Variants in AGBL4 observed in about 807,000 individuals in gnomAD.
AGBL4 encodes cytosolic carboxypeptidase 6.
AGBL4 carries 58 observed loss-of-function variants against 66.4 expected under a neutral mutation model. The ratio of observed to expected loss-of-function variants is 0.87; its 90% CI spans 0.71 to 1.09. The LOEUF is 1.09. AGBL4 is among the 50% of genes least tolerant of loss of function. The pLI, the probability that AGBL4 is intolerant of heterozygous loss-of-function variation, is 0.00. For missense variants in AGBL4, 579 were observed against 631.0 expected (o/e 0.92, Z 0.88); for synonymous variants, 234 against 222.9 (o/e 1.05, Z -0.44).
chr1:49,429,982 C>T (rs1645750503), intron 3 of AGBL4, among the ~76,000 whole-genome samples: 1 of 151,762 alleles, frequency 6.6e-6, no homozygotes, highest in South Asian at 2.1e-4. Flanking sequence ...GTAGCTGGGA[C>T]TACAGGCAAG....
At chr1:48,655,326 T>C (rs577013377) in intron 7 of AGBL4, among the ~76,000 whole-genome samples, 10 of 152,352 alleles carry the variant, frequency 6.6e-5, no homozygotes, top group African/African-American at 2.2e-4. Context: ...TTTTCTTTTT[T>C]TCTTTTTTCT....
chr1:48,763,416 A>C (rs187409777), intron 6 of AGBL4, among the ~76,000 whole-genome samples: 282 of 152,304 alleles, frequency 1.9e-3, no homozygotes, highest in Non-Finnish European at 3.2e-3. Flanking sequence ...GGCTGCTAAA[A>C]TGTAAAATCT....
chr1:49,480,363 T>C (rs950032813), intron 3 of AGBL4, among the ~76,000 whole-genome samples: 7 of 152,104 alleles, frequency 4.6e-5, no homozygotes, highest in African/African-American at 1.7e-4. Flanking sequence ...ATTGTGGTTT[T>C]GATTTGCATT....
intron 4 of AGBL4, among the ~76,000 whole-genome samples, chr1:49,201,118 A>G (rs1647664612): frequency 6.6e-6 from 1 of 152,156 alleles, no homozygotes; most frequent in African/African-American, 2.4e-5. Context: ...TCCCTTAGAG[A>G]AAAGGGCTCT....
intron 6 of AGBL4, among the ~76,000 whole-genome samples, chr1:48,816,080 T>TA (rs1440374298): frequency 5.3e-5 from 8 of 150,028 alleles, no homozygotes; most frequent in Admixed American, 1.3e-4. Context: ...TGTGTGTGTG[T>TA]GTGTGTGTGT....
chr1:48,790,705 A>T (rs985359326), intron 6 of AGBL4, among the ~76,000 whole-genome samples: 1 of 152,152 alleles, frequency 6.6e-6, no homozygotes, highest in Non-Finnish European at 1.5e-5. Context: ...TTAAGAGGTG[A>T]TTAGATCATA....
At chr1:50,014,769 C>G (rs1396366460) in intron 1 of AGBL4, among the ~76,000 whole-genome samples, 1 of 152,046 alleles carries the variant, frequency 6.6e-6, no homozygotes, top group East Asian at 1.9e-4. Flanking sequence ...AGGTGATCCA[C>G]CTGCCTTGGC....
intron 3 of AGBL4, among the ~76,000 whole-genome samples, chr1:49,395,744 T>C (rs1644946462): frequency 1.4e-5 from 2 of 142,404 alleles, no homozygotes; most frequent in African/African-American, 5.3e-5. Context: ...TATATATATA[T>C]ATGTATATAT....
chr1:49,931,370 A>C (rs1412377880), intron 1 of AGBL4, among the ~76,000 whole-genome samples: 8 of 152,194 alleles, frequency 5.3e-5, no homozygotes, highest in African/African-American at 1.7e-4. Flanking sequence ...ATTTATAAAC[A>C]AAGAAGGTTT....
At chr1:48,823,341 G>A (rs1570755193) in intron 6 of AGBL4, among the ~76,000 whole-genome samples, 1 of 152,282 alleles carries the variant, frequency 6.6e-6, no homozygotes, top group East Asian at 1.9e-4. Flanking sequence ...CCCCTGCTAA[G>A]TAAGCCAGCC....
At chr1:49,012,799 C>T (rs965261687) in intron 5 of AGBL4, among the ~76,000 whole-genome samples, 1 of 152,158 alleles carries the variant, frequency 6.6e-6, no homozygotes, top group Non-Finnish European at 1.5e-5. Context: ...ATGTTTGTCC[C>T]CTCTAAAACT....
intron 1 of AGBL4, among the ~76,000 whole-genome samples, chr1:49,905,244 T>C (rs554417215): frequency 6.6e-6 from 1 of 152,176 alleles, no homozygotes; most frequent in African/African-American, 2.4e-5. Flanking sequence ...CAATGTATCC[T>C]GAGTAAGGTT....
intron 1 of AGBL4, among the ~76,000 whole-genome samples, chr1:49,924,114 T>C (rs1172382733): frequency 3.3e-5 from 5 of 152,176 alleles, no homozygotes; most frequent in Non-Finnish European, 7.4e-5. Context: ...GTGGTACATA[T>C]ATACAATGGA....
At chr1:49,095,409 G>T (rs762874610) in intron 4 of AGBL4, among the ~76,000 whole-genome samples, 14 of 152,170 alleles carry the variant, frequency 9.2e-5, no homozygotes, top group Admixed American at 2.0e-4. Context: ...AAAGCTGGAG[G>T]CATCACGCTA....
intron 4 of AGBL4, among the ~76,000 whole-genome samples, chr1:49,114,703 G>T (rs1324046070): frequency 6.6e-6 from 1 of 152,076 alleles, no homozygotes; most frequent in African/African-American, 2.4e-5. Context: ...ACCACTGGAG[G>T]GTTATTAATT....
chr1:49,621,263 G>A (rs1645355213), intron 3 of AGBL4, among the ~76,000 whole-genome samples: 1 of 152,140 alleles, frequency 6.6e-6, no homozygotes, highest in African/African-American at 2.4e-5. Context: ...CCCAACAAAG[G>A]AGACAGGGTC....
chr1:49,122,301 T>C (rs1311365681), intron 4 of AGBL4, among the ~76,000 whole-genome samples: 1 of 152,206 alleles, frequency 6.6e-6, no homozygotes, highest in Non-Finnish European at 1.5e-5. Context: ...TTGATCACGC[T>C]GGGAGCTGCA....
chr1:48,986,739 A>T (rs1442243868), intron 5 of AGBL4, among the ~76,000 whole-genome samples: 1 of 152,152 alleles, frequency 6.6e-6, no homozygotes, highest in African/African-American at 2.4e-5. Flanking sequence ...CATTAAAAGC[A>T]TCATTTAACC....
chr1:49,809,095 C>T (rs1645039065), intron 2 of AGBL4, among the ~76,000 whole-genome samples: 1 of 152,076 alleles, frequency 6.6e-6, no homozygotes, highest in Admixed American at 6.6e-5. Flanking sequence ...TTAAATATTA[C>T]ATTTTATTGC....
Sources: gnomAD v4.1 joint callset for allele counts (sites outside exome capture counted in the v4.1 genomes callset) on GRCh38, gnomAD v4.1.1 for gene constraint, MANE v1.5 for transcripts, NCBI Gene and HGNC (gene_info 2026-07-23, HGNC 2026-07-21) for gene names.